The following LETMD1 variants were observed in gnomAD, a reference collection of about 807,000 sequenced individuals.
LETMD1 encodes the protein LETM1 domain-containing protein 1.
In LETMD1, 30 loss-of-function variants were observed where a neutral mutation model predicts 43.9. That is an observed-to-expected ratio of 0.68 (90% CI 0.51 to 0.93). LETMD1 has a LOEUF of 0.93. Among genes scored for constraint, LETMD1 ranks in the 40% least tolerant of loss-of-function variants. The pLI is 0.00. For missense variants in LETMD1, 413 were observed against 447.7 expected (o/e 0.92, Z 0.70); for synonymous variants, 176 against 163.1 (o/e 1.08, Z -0.60).
intron 3 of LETMD1, 55 bp from the exon 4 acceptor site, chr12:51,053,723 A>T: frequency 8.4e-7 from 1 of 1,187,244 alleles, no homozygotes; most frequent in Non-Finnish European, 1.2e-6. Context: ...TGGATTGTCT[A>T]TTGTATTAAC....
chr12:51,050,779 C>T (rs1395310467), intron 2 of LETMD1, among the ~76,000 whole-genome samples: 2 of 151,128 alleles, frequency 1.3e-5, no homozygotes, highest in Non-Finnish European at 1.5e-5. Context: ...TTTGGGAGGC[C>T]GGGGCGGGCG....
At chr12:51,058,337 C>T in intron 8 of LETMD1, 3 of 581,806 alleles carry the variant, frequency 5.2e-6, no homozygotes, top group Non-Finnish European at 9.2e-6. Context: ...ACTGTGGAAA[C>T]CTAAGAGTGA....
intron 3 of LETMD1, among the ~76,000 whole-genome samples, chr12:51,053,391 CT>C (rs1343658728): frequency 1.3e-5 from 2 of 152,148 alleles, no homozygotes; most frequent in Non-Finnish European, 2.9e-5. Flanking sequence ...GCCTGTAATC[CT>C]AGCACTTTGG....
rs1945177492 is a variant in LETMD1 at position 51,049,039 on chromosome 12, C to T, written c.128C>T (p.Ser43Leu). The stretch of plus-strand genomic sequence containing the variant: ...CTCTTTGATCTTCCTTGTAGGTCTT[C>T]AAAGCTTCACCTTTCTCCAAAGGCA... ...SGLAWGAPRS[S>L]KLHLSPKADV... The change falls in exon 2 of 9, where the codon TCA becomes TTA. Residue 43 changes from serine (S) to leucine (L), a missense_variant. Physicochemically the swap from Ser to Leu is moderately radical, Grantham distance 145. Transcript: ENST00000262055. The T allele has an allele frequency of 6.2e-7, 1 of 1,613,674 alleles. No homozygotes were observed. The highest frequency in any genetic ancestry group is 8.5e-7 in the Non-Finnish European group (1 of 1,179,890).
rs750418672 is a variant in LETMD1, at chr12:51,052,123, G to A, written c.306G>A (p.Lys102=). Residue 102 remains lysine (K), a synonymous_variant, in exon 3 of 9, where the codon AAG becomes AAA. Coordinates refer to ENST00000262055, the MANE Select transcript of LETMD1 (RefSeq NM_015416.5). ...GLQMLWADAK[K]ARRIKTNMWK... is the part of the protein sequence containing the mutation. ...AGATGTTATGGGCTGATGCCAAAAAGGCTAGAAGAATAAAGACAAATATGT... is the reference window on the plus strand; with the variant it reads ...AGATGTTATGGGCTGATGCCAAAAAAGCTAGAAGAATAAAGACAAATATGT... The A allele has an allele frequency of 3.1e-6, 5 of 1,614,012 alleles. No homozygotes were observed. The South Asian group carries it at 5.5e-5, about 18-fold the overall frequency.
chr12:51,048,997 A>G (rs539606953), intron 1 of LETMD1, 37 bp from the exon 2 acceptor site: 1 of 1,598,624 alleles, frequency 6.3e-7, no homozygotes, highest in Admixed American at 1.7e-5. Context: ...AGCTTCTAGG[A>G]CTGATTCCCA....
Position 51,049,297 on chromosome 12 carries a change from T to C in LETMD1, c.274+112T>C, listed in dbSNP as rs554485298. 34 of 902,430 alleles carry C rather than the reference T, an allele frequency of 3.8e-5. No homozygotes were observed. In the East Asian group the frequency reaches 7.3e-4, roughly 19 times the overall value. 55.9% of individuals were successfully genotyped at this position (902,430 alleles called of 1,614,324 possible). A position where few individuals can be genotyped will look rare whatever the true frequency, so the allele number is the denominator to read the frequency against. ...TGCTATGGGGATGTGAGCCGAGATATCTTATATTTCATAAATGCCTGCGCC... is the reference window on the plus strand; with the variant it reads ...TGCTATGGGGATGTGAGCCGAGATACCTTATATTTCATAAATGCCTGCGCC... On this transcript the variant is annotated intron_variant, in intron 2 of 8. Transcript: ENST00000262055.
the LETMD1 span, chr12:51,067,985 A>G: frequency 6.2e-7 from 1 of 1,610,380 alleles, no homozygotes; most frequent in Admixed American, 1.7e-5. This position sits in a 1 kb window ranked among gnomAD's most constrained non-coding sequence, Gnocchi z 4.1. Flanking sequence ...AAGAGACAGG[A>G]AAGGTTAGCC....
At chr12:51,057,191 G>A (rs1947974047) in intron 7 of LETMD1, among the ~76,000 whole-genome samples, 2 of 151,982 alleles carry the variant, frequency 1.3e-5, no homozygotes, top group African/African-American at 2.4e-5. Context: ...AGCCAAGATC[G>A]CACCACTGCA....
At chr12:51,060,599 T>C (rs1035910648), downstream of LETMD1, among the ~76,000 whole-genome samples, 2 of 152,136 alleles carry the variant, frequency 1.3e-5, no homozygotes, top group African/African-American at 2.4e-5. Context: ...GAAAAGAGAA[T>C]TTCATAAAGT....
intron 3 of LETMD1, among the ~76,000 whole-genome samples, chr12:51,053,372 A>G (rs558795895): frequency 1.3e-5 from 2 of 152,254 alleles, no homozygotes; most frequent in East Asian, 3.9e-4. Context: ...GACCACATGC[A>G]GTGCTCATGC....
intron 6 of LETMD1, 37 bp from the exon 7 acceptor site, chr12:51,056,313 C>T (rs367879248): frequency 9.9e-6 from 16 of 1,613,842 alleles, no homozygotes; most frequent in African/African-American, 1.3e-5. Flanking sequence ...TGAGCTCATA[C>T]TATTTGCCTT....
In LETMD1 at chr12:51,052,041, A is replaced by G. The variant is rs1348587288; in HGVS notation, c.275-51A>G. On this transcript the variant is annotated intron_variant, in intron 2 of 8. Transcript: ENST00000262055. ...AACATGGAGTAGGAAGCTGTGGTTAAGATTTAAACTGGGATAACATCACAC... is the reference window on the plus strand; with the variant it reads ...AACATGGAGTAGGAAGCTGTGGTTAGGATTTAAACTGGGATAACATCACAC... 7 of 1,541,078 alleles carry G rather than the reference A, an allele frequency of 4.5e-6. No individual in the cohort carries two copies. In the South Asian group the frequency reaches 7.2e-5, roughly 16 times the overall value.
At chr12:51,063,201 G>GC (rs1937750991), downstream of LETMD1, 2 of 152,158 alleles carry the variant, frequency 1.3e-5, no homozygotes, top group South Asian at 4.2e-4. Flanking sequence ...TTGAAGGAAG[G>GC]CAGGTTACAT....
intron 2 of LETMD1, among the ~76,000 whole-genome samples, chr12:51,049,701 G>A (rs2136513994): frequency 6.6e-6 from 1 of 152,282 alleles, no homozygotes; most frequent in African/African-American, 2.4e-5. Flanking sequence ...CTACTCTGGA[G>A]CCAGATTGCC....
chr12:51,055,938 G>A lies in LETMD1; in HGVS notation c.577G>A (p.Glu193Lys), dbSNP rs904946936. Residue 193 changes from glutamate (E) to lysine (K), a missense_variant, in exon 5 of 9, where the codon GAA (glutamate) becomes AAA (lysine). Glu to Lys is a moderately conservative substitution (Grantham distance 56). Coordinates refer to ENST00000262055, the MANE Select transcript of LETMD1 (RefSeq NM_015416.5). Reference protein sequence around the residue: ...YHAFRKQSHPEIISYLEKVIP... With the variant: ...YHAFRKQSHPKIISYLEKVIP... ...TGCTTTCCGGAAGCAGTCCCACCCA[G>A]AAATTATTAGTTATTTAGAAAAGGT... 1 of 1,614,042 alleles carries A rather than the reference G, an allele frequency of 6.2e-7. No homozygotes were observed. Among genetic ancestry groups the A allele is most frequent in the Non-Finnish European group, 8.5e-7 (1 of 1,179,954 alleles).
chr12:51,061,188 CAA>C (rs1566165622), downstream of LETMD1: 10 of 152,340 alleles, frequency 6.6e-5, no homozygotes, highest in South Asian at 1.9e-3. Context: ...CCTGCCGAGA[CAA>C]AGAGTAACAC....
chr12:51,055,940 A>G lies in LETMD1; in HGVS notation c.579A>G (p.Glu193=), dbSNP rs910612903. 1 of 1,613,926 alleles carries G rather than the reference A, an allele frequency of 6.2e-7. No individual in the cohort carries two copies. The highest frequency in any genetic ancestry group is 1.7e-5 in the Admixed American group (1 of 59,990). Reference sequence around the variant, plus strand: ...CTTTCCGGAAGCAGTCCCACCCAGAAATTATTAGTTATTTAGAAAAGGTCA... The same window carrying G: ...CTTTCCGGAAGCAGTCCCACCCAGAGATTATTAGTTATTTAGAAAAGGTCA... ...YHAFRKQSHP[E]IISYLEKVIP... The change falls in exon 5 of 9, where the codon GAA becomes GAG. Residue 193 remains glutamate (E), a synonymous_variant. Coordinates refer to ENST00000262055, the MANE Select transcript of LETMD1 (RefSeq NM_015416.5).
At chr12:51,060,774 C>T (rs1022881502), downstream of LETMD1, among the ~76,000 whole-genome samples, 54 of 151,924 alleles carry the variant, frequency 3.6e-4, no homozygotes, top group African/African-American at 1.2e-3. Context: ...TGGTGGTGGG[C>T]GCCTGTAGTC....
Sources: allele counts gnomAD v4.1 joint callset (sites outside exome capture counted in the v4.1 genomes callset), GRCh38; gene constraint gnomAD v4.1.1; non-coding constraint Gnocchi (gnomAD v3.1); transcripts MANE v1.5; gene names NCBI Gene and HGNC (gene_info 2026-07-23, HGNC 2026-07-21).